The following AOPEP variants were observed in gnomAD, a reference collection of about 807,000 sequenced individuals.
AOPEP encodes aminopeptidase O.
Under a neutral mutation model 98.1 loss-of-function variants are expected in AOPEP, and 77 were observed. The observed-to-expected ratio is 0.78, with a 90% CI of 0.65 to 0.95. The LOEUF is 0.95. Ranked by LOEUF, AOPEP falls within the 40% of genes least tolerant of loss-of-function variation. The pLI is 0.00. For missense variants in AOPEP, 1,024 were observed against 1,024.7 expected, an observed-to-expected ratio of 1.00 and a Z score of 0.01; for synonymous variants, 346 against 365.3, an observed-to-expected ratio of 0.95 and a Z score of 0.60.
chr9:94,946,277 A>G (rs1015668392), intron 7 of AOPEP, among the ~76,000 whole-genome samples: 2 of 152,184 alleles, frequency 1.3e-5, no homozygotes, highest in African/African-American at 4.8e-5. Context: ...GTTTTCCTTC[A>G]CATGCTTTAG....
At chr9:95,051,069 T>TA (rs1034426774) in intron 13 of AOPEP, among the ~76,000 whole-genome samples, 4 of 148,358 alleles carry the variant, frequency 2.7e-5, no homozygotes, top group African/African-American at 9.8e-5. Context: ...TTGTTATCTC[T>TA]AAAATGTTTT....
chr9:94,823,941 C>T (rs559352130), intron 5 of AOPEP, among the ~76,000 whole-genome samples: 43 of 152,218 alleles, frequency 2.8e-4, no homozygotes, highest in Admixed American at 1.8e-3. Context: ...ACCCAGCTTA[C>T]TATGCAGTCC....
Position 94,760,049 on chromosome 9 carries a change from C to T in AOPEP, c.266C>T (p.Thr89Ile). 1 of 1,614,096 alleles carries T rather than the reference C, an allele frequency of 6.2e-7. No individual in the cohort carries two copies. Among genetic ancestry groups the T allele is most frequent in the Non-Finnish European group, 8.5e-7 (1 of 1,180,024 alleles). The change falls in exon 2 of 17, where the codon ACC becomes ATC. Residue 89 changes from threonine to isoleucine, a missense_variant. Around this residue, in one of 3 missense-constraint regions of AOPEP, gnomAD observed 440 missense variants for 433.8 expected, o/e 1.01. Transcript: ENST00000375315. ...PCHIPVTNAR[T>I]FSSEMEYNDF... ...CATATTCCCGTGACAAATGCAAGGA[C>T]CTTCTCATCTGAAATGGAATATAAT...
chr9:94,850,184 G>A (rs933676259), intron 5 of AOPEP, among the ~76,000 whole-genome samples: 1 of 152,186 alleles, frequency 6.6e-6, no homozygotes, highest in African/African-American at 2.4e-5. Flanking sequence ...CTCTGCTTTA[G>A]AAGTATTTCT....
chr9:95,144,817 C>T, the AOPEP span, among the ~76,000 whole-genome samples: 18 of 152,254 alleles, frequency 1.2e-4, no homozygotes, highest in East Asian at 1.7e-3. Flanking sequence ...TGCTCCATTG[C>T]GGGTGTTGGG....
At chr9:94,878,126 A>G (rs931252305) in intron 5 of AOPEP, among the ~76,000 whole-genome samples, 1 of 152,116 alleles carries the variant, frequency 6.6e-6, no homozygotes, top group Admixed American at 6.5e-5. Flanking sequence ...TTATGGTCCC[A>G]TGGATTTTCC....
Position 94,894,750 on chromosome 9 carries a change from A to G in AOPEP, c.1365-29236A>G, listed in dbSNP as rs115024509. ...CTGACAAGTTAGACAGAACAATAAC[A>G]TACTATAAGCTACTCTTATTTGTAA... On this transcript the variant is annotated intron_variant, in intron 5 of 16. Transcript: ENST00000375315. Among the ~76,000 whole-genome samples the G allele has an allele frequency of 9.6e-3, 1,460 of 152,348 alleles. 27 individuals are homozygous for G. Among genetic ancestry groups the G allele is most frequent in the African/African-American group, 0.033 (1,356 of 41,578 alleles).
intron 5 of AOPEP, among the ~76,000 whole-genome samples, chr9:94,805,498 T>G (rs1296840440): frequency 4.6e-5 from 7 of 151,868 alleles, no homozygotes; most frequent in East Asian, 1.9e-4. Flanking sequence ...TTTGTTTTTT[T>G]TTTTAAAAAA....
At chr9:94,901,286 G>A (rs12347649) in intron 5 of AOPEP, among the ~76,000 whole-genome samples, 65,367 of 151,908 alleles carry the variant, frequency 0.43, 14,540 homozygotes, top group East Asian at 0.62. Flanking sequence ...AATAAGAATC[G>A]ATTGCTTCTT....
At chr9:94,900,792 G>T (rs1283679717) in intron 5 of AOPEP, 2 of 152,204 alleles carry the variant, frequency 1.3e-5, no homozygotes, top group African/African-American at 4.8e-5. Flanking sequence ...GCTTTAGAGT[G>T]TGTTTTCTAC....
chr9:94,731,389 G>A (rs888864470), intron 1 of AOPEP, among the ~76,000 whole-genome samples: 5 of 152,120 alleles, frequency 3.3e-5, no homozygotes, highest in Admixed American at 6.5e-5. Flanking sequence ...CACCATGCCC[G>A]GCTAGTTTTT....
chr9:94,773,023 A>G lies in AOPEP; in HGVS notation c.819A>G (p.Gly273=). The G allele has an allele frequency of 6.2e-7, 1 of 1,613,004 alleles. No individual in the cohort carries two copies. Among genetic ancestry groups the G allele is most frequent in the South Asian group, 1.1e-5 (1 of 90,920 alleles). Residue 273 remains glycine, a synonymous_variant, in exon 3 of 17, where the codon GGA becomes GGG. Coordinates refer to ENST00000375315, the MANE Select transcript of AOPEP (RefSeq NM_001193329.3). ...QSGRPCVYTV[G]SPINNRALFP... is the part of the protein sequence containing the mutation. Reference sequence around the variant, plus strand: ...GCAGGCCATGTGTTTATACTGTGGGATCTCCCATAAACAACAGGGCCCTTT... The same window carrying G: ...GCAGGCCATGTGTTTATACTGTGGGGTCTCCCATAAACAACAGGGCCCTTT...
chr9:94,826,914 C>T (rs1458532704), intron 5 of AOPEP, among the ~76,000 whole-genome samples: 1 of 152,130 alleles, frequency 6.6e-6, no homozygotes, highest in Non-Finnish European at 1.5e-5. Flanking sequence ...TTGCACAAGT[C>T]ATTGTTCATC....
At chr9:94,762,419 C>T (rs187072489) in intron 2 of AOPEP, among the ~76,000 whole-genome samples, 23 of 151,686 alleles carry the variant, frequency 1.5e-4, no homozygotes, top group Middle Eastern at 3.4e-3. Context: ...TGCACTCCAG[C>T]CTGGGCGACA....
the AOPEP span, among the ~76,000 whole-genome samples, chr9:95,134,448 G>A: frequency 3.3e-5 from 5 of 152,256 alleles, no homozygotes; most frequent in South Asian, 2.1e-4. Flanking sequence ...AGACCGGACC[G>A]TTCACTGTGG....
rs2060107133 is a variant in AOPEP at position 94,980,322 on chromosome 9, G to T, written c.1977+895G>T. ...GGGGCAGCCCCCAGAGCGGCTGCAG[G>T]CTGGGCCTGACCCAGGGTCATGGGC... is the stretch of plus-strand genomic sequence containing the variant. On this transcript the variant is annotated intron_variant, in intron 11 of 16. Transcript: ENST00000375315. This position sits in a 1 kb window ranked among gnomAD's most constrained non-coding sequence, Gnocchi z 4.3. Among the ~76,000 whole-genome samples the T allele has an allele frequency of 6.6e-6, 1 of 152,246 alleles. No individual in the cohort carries two copies. Among genetic ancestry groups the T allele is most frequent in the Non-Finnish European group, 1.5e-5 (1 of 68,040 alleles).
At chr9:94,977,797 G>A (rs1224707758) in intron 10 of AOPEP, among the ~76,000 whole-genome samples, 1 of 152,194 alleles carries the variant, frequency 6.6e-6, no homozygotes, top group Non-Finnish European at 1.5e-5. Context: ...TGGGACCCTG[G>A]AGGACCTAGA....
At chr9:94,820,592 C>T (rs1196401965) in intron 5 of AOPEP, among the ~76,000 whole-genome samples, 2 of 152,176 alleles carry the variant, frequency 1.3e-5, no homozygotes, top group East Asian at 3.8e-4. Context: ...CAAAATTTTA[C>T]TGTTGTAAAC....
At position 94,900,263 on chromosome 9, in the gene AOPEP, G is replaced by A. The variant is rs569469657; in HGVS notation, c.1365-23723G>A. 2.3e-4 allele frequency among the ~76,000 whole-genome samples: 35 copies of A among 152,330 alleles called. 1 individual carries two copies. The highest frequency in any genetic ancestry group is 2.3e-3 in the Admixed American group (35 of 15,300). On this transcript the variant is annotated intron_variant, in intron 5 of 16. Transcript: ENST00000375315. ...GACCCTTCTAGCAACCAAATTCTGT[G>A]ATTTATGAATATTGTAACCTGTAAA...
Sources: gnomAD v4.1 joint callset for allele counts (sites outside exome capture counted in the v4.1 genomes callset) on GRCh38, gnomAD v4.1.1 for gene constraint, gnomAD v4.1.1 regional missense constraint, Gnocchi (gnomAD v3.1) non-coding constraint, MANE v1.5 for transcripts, NCBI Gene and HGNC (gene_info 2026-07-23, HGNC 2026-07-21) for gene names.